Variants in PCSK5 observed in about 807,000 individuals in gnomAD.
The protein encoded by PCSK5 is prohormone convertase 5.
In PCSK5, 129 loss-of-function variants were observed where a neutral mutation model predicts 233.2. The ratio of observed to expected loss-of-function variants is 0.55; its 90% CI spans 0.48 to 0.64. PCSK5 has a LOEUF of 0.64. Ranked by LOEUF, PCSK5 falls within the 30% of genes least tolerant of loss-of-function variation. The pLI, the probability that PCSK5 is intolerant of heterozygous loss-of-function variation, is 0.00. For missense variants in PCSK5, 2,076 were observed against 2,430.1 expected (o/e 0.85, Z 3.06); for synonymous variants, 825 against 879.2 (o/e 0.94, Z 1.09).
At chr9:76,217,776 C>T (rs1825588217) in intron 20 of PCSK5, among the ~76,000 whole-genome samples, 1 of 152,214 alleles carries the variant, frequency 6.6e-6, no homozygotes, top group South Asian at 2.1e-4. Flanking sequence ...CTGGATTCCA[C>T]ACTCTGGACA....
At chr9:75,981,635 C>T (rs115725798) in intron 2 of PCSK5, among the ~76,000 whole-genome samples, 2,189 of 152,276 alleles carry the variant, frequency 0.014, 42 homozygotes, top group African/African-American at 0.044. Flanking sequence ...TCACTGCAGC[C>T]TCAAACTCCT....
At chr9:76,040,337 C>CTG (rs1563988453) in intron 5 of PCSK5, among the ~76,000 whole-genome samples, 23 of 36,260 alleles carry the variant, frequency 6.3e-4, no homozygotes, top group Non-Finnish European at 8.0e-4. Context: ...CTCTCTCTCT[C>CTG]TCTCTCTCTC....
chr9:75,891,053 C>CGCCCGGGGTTGCGAGCTGCGGCG lies in PCSK5; in HGVS notation c.-121_-120insTTGCGAGCTGCGGCGGCCCGGGG. 1 of 741,268 alleles carries CGCCCGGGGTTGCGAGCTGCGGCG rather than the reference C, an allele frequency of 1.3e-6. No homozygotes were observed. Among genetic ancestry groups the CGCCCGGGGTTGCGAGCTGCGGCG allele is most frequent in the Non-Finnish European group, 1.9e-6 (1 of 513,900 alleles). 45.9% of individuals were successfully genotyped at this position (741,268 alleles called of 1,614,324 possible). A position where few individuals can be genotyped will look rare whatever the true frequency, so the allele number is the denominator to read the frequency against. On this transcript the variant is annotated 5_prime_UTR_variant, in exon 1 of 38. Coordinates refer to ENST00000674117, the MANE Select transcript of PCSK5 (RefSeq NM_001372043.1). ...CCGGGGCTAGCCGCCTCCTGCCGAT[C>CGCCCGGGGTTGCGAGCTGCGGCG]GCCCGGGGCTGCGAGCTGCGGCGGC...
At chr9:75,913,375 A>G (rs1822837049) in intron 1 of PCSK5, among the ~76,000 whole-genome samples, 1 of 152,204 alleles carries the variant, frequency 6.6e-6, no homozygotes, top group African/African-American at 2.4e-5. Context: ...GTAGGGGATG[A>G]TCTTTACATA....
At chr9:76,325,173 G>A (rs1464825207) in intron 32 of PCSK5, among the ~76,000 whole-genome samples, 1 of 152,164 alleles carries the variant, frequency 6.6e-6, no homozygotes, top group East Asian at 1.9e-4. Context: ...GAGGCAGGCT[G>A]TGGAGCTGGG....
intron 26 of PCSK5, among the ~76,000 whole-genome samples, chr9:76,295,756 C>T (rs1828418975): frequency 6.6e-6 from 1 of 152,168 alleles, no homozygotes; most frequent in Admixed American, 6.5e-5. Flanking sequence ...TGTCTTGAGA[C>T]TTAATCCATC....
intron 28 of PCSK5, among the ~76,000 whole-genome samples, chr9:76,307,177 T>G (rs1828728166): frequency 6.6e-6 from 1 of 151,914 alleles, no homozygotes; most frequent in South Asian, 2.1e-4. Context: ...AGAGTTTAAT[T>G]ACCGTATCCA....
intron 1 of PCSK5, among the ~76,000 whole-genome samples, chr9:75,927,111 T>A (rs1267507550): frequency 6.6e-6 from 1 of 152,208 alleles, no homozygotes; most frequent in Non-Finnish European, 1.5e-5. Context: ...CCCCACAATC[T>A]CATTAAAACT....
At chr9:75,988,189 A>G (rs1281959318) in intron 3 of PCSK5, among the ~76,000 whole-genome samples, 3 of 152,240 alleles carry the variant, frequency 2.0e-5, no homozygotes, top group Non-Finnish European at 4.4e-5. Flanking sequence ...TTTTCAACAC[A>G]TATTTGATGA....
chr9:76,330,142 A>T (rs1253079214), intron 33 of PCSK5, among the ~76,000 whole-genome samples: 1 of 152,142 alleles, frequency 6.6e-6, no homozygotes, highest in African/African-American at 2.4e-5. Context: ...TCCTCATCAA[A>T]ATTTCCCCTC....
At chr9:76,226,234 C>T (rs1414138159) in intron 20 of PCSK5, among the ~76,000 whole-genome samples, 1 of 152,134 alleles carries the variant, frequency 6.6e-6, no homozygotes, top group African/African-American at 2.4e-5. Flanking sequence ...ACATGAAAGG[C>T]TTTTTCTGCT....
intron 2 of PCSK5, among the ~76,000 whole-genome samples, chr9:75,978,472 G>A (rs905282527): frequency 6.6e-6 from 1 of 152,034 alleles, no homozygotes; most frequent in Admixed American, 6.6e-5. Flanking sequence ...TGCCCAAGTG[G>A]CCAGACTAGT....
At chr9:76,091,921 C>G (rs1289108886) in intron 7 of PCSK5, among the ~76,000 whole-genome samples, 2 of 152,212 alleles carry the variant, frequency 1.3e-5, no homozygotes, top group Non-Finnish European at 1.5e-5. Context: ...GACGTCACCT[C>G]TGTCTGGAAG....
At chr9:76,071,601 G>A in intron 6 of PCSK5, 125 bp from the exon 7 acceptor site, 3 of 746,502 alleles carry the variant, frequency 4.0e-6, no homozygotes, top group Non-Finnish European at 6.5e-6. Flanking sequence ...TTTGCTGGGG[G>A]AAGATATGCT....
At chr9:76,263,221 G>T in intron 24 of PCSK5, among the ~76,000 whole-genome samples, 1 of 152,250 alleles carries the variant, frequency 6.6e-6, no homozygotes, top group Non-Finnish European at 1.5e-5. Flanking sequence ...TCAGTGTGGC[G>T]ATTCCTCAGG....
intron 24 of PCSK5, among the ~76,000 whole-genome samples, chr9:76,245,754 C>T (rs114161248): frequency 0.022 from 3,318 of 152,224 alleles, 99 homozygotes; most frequent in South Asian, 0.12. Context: ...GAAGGTTCTT[C>T]TAAAAACAGA....
rs374457205 is a variant in PCSK5, at chr9:76,216,934, G to A, written c.2627-10569G>A. The stretch of plus-strand genomic sequence containing the variant: ...TGGCTCACTGCAACCTCCATCTCCC[G>A]GGTTCAAGCAATTCGACTGCCTCAG... On this transcript the variant is annotated intron_variant, in intron 20 of 37. Coordinates refer to ENST00000674117, the MANE Select transcript of PCSK5 (RefSeq NM_001372043.1). 1.2e-4 allele frequency among the ~76,000 whole-genome samples: 19 copies of A among 152,160 alleles called. No homozygotes were observed. In the South Asian group the frequency reaches 3.9e-3, roughly 32 times the overall value.
chr9:76,092,390 T>TTTTG (rs999482008), intron 7 of PCSK5, among the ~76,000 whole-genome samples: 9 of 152,152 alleles, frequency 5.9e-5, no homozygotes, highest in African/African-American at 7.2e-5. Context: ...CGCTTTCTTT[T>TTTTG]TTTGTTTGTT....
Position 76,320,818 on chromosome 9 carries a change from TTG to T in PCSK5, c.3885-602_3885-601del, listed in dbSNP as rs1442960746. On this transcript the variant is annotated intron_variant, in intron 30 of 37. Transcript: ENST00000674117. ...CTTAGTAACTATCTGGTTTTTGGTTTTGTTTTTTTTTTTTTAAGACAGAGTCT... is the reference window on the plus strand; with the variant it reads ...CTTAGTAACTATCTGGTTTTTGGTTTTTTTTTTTTTTTTAAGACAGAGTCT... 2.7e-3 allele frequency among the ~76,000 whole-genome samples: 383 copies of T among 141,736 alleles called. 1 individual carries two copies. The highest frequency in any genetic ancestry group is 0.01 in the Middle Eastern group (3 of 286). 93.0% of individuals were successfully genotyped at this position (141,736 alleles called of 152,430 possible).
Sources: gnomAD v4.1 joint callset for allele counts (sites outside exome capture counted in the v4.1 genomes callset) on GRCh38, gnomAD v4.1.1 for gene constraint, MANE v1.5 for transcripts, NCBI Gene and HGNC (gene_info 2026-07-23, HGNC 2026-07-21) for gene names.